The following ITGBL1 variants were observed in gnomAD, a reference collection of about 807,000 sequenced individuals.
ITGBL1 encodes the protein integrin beta-like protein 1.
Under a neutral mutation model 68.5 loss-of-function variants are expected in ITGBL1, and 51 were observed. The observed-to-expected ratio is 0.74, with a 90% CI of 0.59 to 0.94. ITGBL1 has a LOEUF of 0.94. Among genes scored for constraint, ITGBL1 ranks in the 40% least tolerant of loss-of-function variants. The probability of loss-of-function intolerance (pLI) is 0.00; values close to 1 mark genes in which losing one functional copy is unlikely to be tolerated. For synonymous variants in ITGBL1, 209 were observed against 227.3 expected, an observed-to-expected ratio of 0.92 and a Z score of 0.72; for missense variants, 649 against 647.4, an observed-to-expected ratio of 1.00 and a Z score of -0.03.
At chr13:101,719,807 C>T (rs552619509), downstream of ITGBL1, 9 of 152,066 alleles carry the variant, frequency 5.9e-5, no homozygotes, top group South Asian at 4.1e-4. Context: ...ATTTACTATA[C>T]GGAACATCAG....
intron 7 of ITGBL1, among the ~76,000 whole-genome samples, chr13:101,634,415 A>T (rs2032097545): frequency 6.6e-6 from 1 of 152,118 alleles, no homozygotes; most frequent in Non-Finnish European, 1.5e-5. Context: ...GCTTCATAGG[A>T]GACATAATAA....
chr13:101,549,897 C>T (rs182438907), intron 2 of ITGBL1, among the ~76,000 whole-genome samples: 204 of 152,086 alleles, frequency 1.3e-3, no homozygotes, highest in African/African-American at 4.4e-3. Context: ...AGCTTTCATC[C>T]GTAAATTCAA....
At chr13:101,574,695 G>A (rs968928443) in intron 3 of ITGBL1, among the ~76,000 whole-genome samples, 1 of 152,096 alleles carries the variant, frequency 6.6e-6, no homozygotes, top group African/African-American at 2.4e-5. Flanking sequence ...TTGTTTGAGT[G>A]CAATATTAAT....
chr13:101,531,645 T>C (rs2049479471), intron 2 of ITGBL1, among the ~76,000 whole-genome samples: 1 of 151,684 alleles, frequency 6.6e-6, no homozygotes. Flanking sequence ...TTAAGTAGTT[T>C]AGGTATTTTA....
At chr13:101,664,402 C>A (rs1174497634) in intron 7 of ITGBL1, among the ~76,000 whole-genome samples, 1 of 152,016 alleles carries the variant, frequency 6.6e-6, no homozygotes, top group Non-Finnish European at 1.5e-5. Flanking sequence ...TTACAGGTAT[C>A]CTGAGAGATC....
chr13:101,544,907 G>A (rs763319181), intron 2 of ITGBL1, among the ~76,000 whole-genome samples: 11 of 152,134 alleles, frequency 7.2e-5, no homozygotes, highest in African/African-American at 1.4e-4. Flanking sequence ...TTGGAAAAGC[G>A]CAGTATTAGG....
Position 101,579,178 on chromosome 13 carries a change from G to T in ITGBL1, c.587-109G>T. ...GATTATTTTAGGCAAGGAATGTGGA[G>T]CTGTGACAGTATTTCAGAAGGCAAA... On this transcript the variant is annotated intron_variant, in intron 4 of 10. Transcript: ENST00000376180. 17 of 1,125,408 alleles carry T rather than the reference G, an allele frequency of 1.5e-5. No individual in the cohort carries two copies. The South Asian group carries it at 2.4e-4, about 16-fold the overall frequency. The allele number at this position is 1,125,408 out of a possible 1,614,324, so 69.7% of individuals were successfully genotyped here.
intron 8 of ITGBL1, among the ~76,000 whole-genome samples, chr13:101,701,127 A>G (rs1594991831): frequency 6.6e-6 from 1 of 152,180 alleles, no homozygotes; most frequent in African/African-American, 2.4e-5. Flanking sequence ...TTTTGTTCTT[A>G]AGTAAAGTCA....
At chr13:101,503,016 C>G (rs1265181219) in intron 2 of ITGBL1, among the ~76,000 whole-genome samples, 2 of 152,048 alleles carry the variant, frequency 1.3e-5, no homozygotes, top group Non-Finnish European at 2.9e-5. Flanking sequence ...TTATGTGTAC[C>G]CAATAAAATG....
intron 7 of ITGBL1, among the ~76,000 whole-genome samples, chr13:101,600,346 A>C (rs1175768104): frequency 6.6e-6 from 1 of 152,162 alleles, no homozygotes; most frequent in Non-Finnish European, 1.5e-5. Context: ...GGCTGAGACA[A>C]TGGGGTTTTC....
At chr13:101,519,735 G>T (rs534313735) in intron 2 of ITGBL1, among the ~76,000 whole-genome samples, 1 of 152,034 alleles carries the variant, frequency 6.6e-6, no homozygotes, top group Non-Finnish European at 1.5e-5. Flanking sequence ...TAATTTTTTT[G>T]AGCTAATTAG....
chr13:101,705,724 C>G (rs1455227158), intron 8 of ITGBL1, among the ~76,000 whole-genome samples: 1 of 152,174 alleles, frequency 6.6e-6, no homozygotes, highest in Non-Finnish European at 1.5e-5. Context: ...GCAAGGTTCA[C>G]TCCTGAGGGT....
intron 2 of ITGBL1, among the ~76,000 whole-genome samples, chr13:101,463,837 A>G (rs2048347802): frequency 6.6e-6 from 1 of 152,016 alleles, no homozygotes. Flanking sequence ...TTGTGGAGAC[A>G]TTGGGTTGTG....
chr13:101,458,534 C>A (rs1264091067), intron 2 of ITGBL1, among the ~76,000 whole-genome samples: 1 of 152,138 alleles, frequency 6.6e-6, no homozygotes, highest in African/African-American at 2.4e-5. Context: ...TAGGAGTGAT[C>A]ATTAGTGCTC....
intron 2 of ITGBL1, among the ~76,000 whole-genome samples, chr13:101,457,007 AACATT>A (rs2048253513): frequency 6.6e-6 from 1 of 152,192 alleles, no homozygotes; most frequent in Non-Finnish European, 1.5e-5. Flanking sequence ...CAGTTACTTA[AACATT>A]CTGAGCCTTG....
intron 8 of ITGBL1, among the ~76,000 whole-genome samples, chr13:101,696,636 A>G (rs1306254360): frequency 1.3e-5 from 2 of 152,034 alleles, no homozygotes; most frequent in African/African-American, 2.4e-5. Flanking sequence ...ATGATGTCCT[A>G]CTTCCTCTAT....
rs147153624 is a variant in ITGBL1 at position 101,611,235 on chromosome 13, A to G, written c.1015+12936A>G. Among the ~76,000 whole-genome samples, 630 of 152,298 alleles carry G rather than the reference A, an allele frequency of 4.1e-3. 1 individual carries two copies. Among genetic ancestry groups the G allele is most frequent in the African/African-American group, 0.014 (594 of 41,568 alleles). On this transcript the variant is annotated intron_variant, in intron 7 of 10. Transcript: ENST00000376180. ...GTAAAATGATGTCATAGAAATGCCA[A>G]GTTAACGTTGCTTCATGCCCATCCA... is the stretch of plus-strand genomic sequence containing the variant.
At chr13:101,564,172 A>T (rs1001111247) in intron 2 of ITGBL1, among the ~76,000 whole-genome samples, 5 of 151,976 alleles carry the variant, frequency 3.3e-5, no homozygotes, top group African/African-American at 1.2e-4. Context: ...AATCAAAGGA[A>T]CTACAAGAGC....
chr13:101,510,536 ATGGTAGCTC>A (rs1403296806), intron 2 of ITGBL1, among the ~76,000 whole-genome samples: 1 of 152,158 alleles, frequency 6.6e-6, no homozygotes, highest in Non-Finnish European at 1.5e-5. Context: ...GCTAGGTCAA[ATGGTAGCTC>A]TGTTTTAAGT....
Sources: gnomAD v4.1 joint callset for allele counts (sites outside exome capture counted in the v4.1 genomes callset) on GRCh38, gnomAD v4.1.1 for gene constraint, MANE v1.5 for transcripts, NCBI Gene and HGNC (gene_info 2026-07-23, HGNC 2026-07-21) for gene names.